The following SORCS1 variants were observed in gnomAD, a reference collection of about 807,000 sequenced individuals.
SORCS1 encodes the protein VPS10 domain-containing receptor SorCS1.
Under a neutral mutation model 146.1 loss-of-function variants are expected in SORCS1, and 60 were observed. The observed-to-expected ratio is 0.41, with a 90% CI of 0.33 to 0.51. The LOEUF (loss-of-function observed/expected upper bound fraction) is 0.51, where lower values mean the gene tolerates loss of function less well. SORCS1 is among the 20% of genes least tolerant of loss of function. The pLI, the probability that SORCS1 is intolerant of heterozygous loss-of-function variation, is 0.21. For missense variants in SORCS1, 1,352 were observed against 1,487.6 expected (o/e 0.91, Z 1.50); for synonymous variants, 637 against 584.0 (o/e 1.09, Z -1.31).
intron 9 of SORCS1, among the ~76,000 whole-genome samples, chr10:106,697,891 C>A (rs559900274): frequency 4.8e-4 from 73 of 152,264 alleles, no homozygotes; most frequent in South Asian, 1.7e-3. Flanking sequence ...GAAACTAAAT[C>A]ATCACAATAT....
intron 3 of SORCS1, among the ~76,000 whole-genome samples, chr10:106,813,428 C>G (rs556792005): frequency 6.6e-6 from 1 of 151,710 alleles, no homozygotes; most frequent in Non-Finnish European, 1.5e-5. Flanking sequence ...CCACCGCGCC[C>G]GGCCTGACAG....
chr10:107,164,517 C>T lies in SORCS1; in HGVS notation c.10G>A (p.Val4Ile). 3 of 1,345,946 alleles carry T rather than the reference C, an allele frequency of 2.2e-6. No individual in the cohort carries two copies. Among genetic ancestry groups the T allele is most frequent in the South Asian group, 1.9e-5 (1 of 51,940 alleles). 83.4% of individuals were successfully genotyped at this position (1,345,946 alleles called of 1,614,324 possible). A position where few individuals can be genotyped will look rare whatever the true frequency, so the allele number is the denominator to read the frequency against. The change falls in exon 1 of 26, where the codon GTT becomes ATT. Residue 4 changes from valine to isoleucine, a missense_variant. This residue lies in a region of SORCS1 where 490 missense variants were observed against 489.1 expected (regional missense o/e 1.00). Coordinates refer to ENST00000263054, the MANE Select transcript of SORCS1 (RefSeq NM_052918.5). The surrounding 1 kb of genome is among the most constrained non-coding windows in gnomAD (Gnocchi z 6.8). ...GCTTGGGAGCCGCCGCCGGCGCCAACTTTTCCCATCGCGGGAGCGAAGAGC... is the reference window on the plus strand; with the variant it reads ...GCTTGGGAGCCGCCGCCGGCGCCAATTTTTCCCATCGCGGGAGCGAAGAGC... MGK[V>I]GAGGGSQARL...
chr10:106,730,595 T>G (rs183316405), intron 5 of SORCS1, among the ~76,000 whole-genome samples: 10 of 152,308 alleles, frequency 6.6e-5, no homozygotes, highest in Admixed American at 6.5e-4. Context: ...CAGCAGCAGT[T>G]ACAGCAGAGT....
intron 2 of SORCS1, among the ~76,000 whole-genome samples, chr10:106,862,493 G>T (rs1564747282): frequency 1.3e-5 from 2 of 151,724 alleles, no homozygotes; most frequent in East Asian, 3.9e-4. Flanking sequence ...TCTCTTCAAT[G>T]TTTTTTTTAA....
At chr10:106,698,536 T>C (rs1229070077) in intron 9 of SORCS1, among the ~76,000 whole-genome samples, 1 of 152,236 alleles carries the variant, frequency 6.6e-6, no homozygotes, top group African/African-American at 2.4e-5. Flanking sequence ...GTGCCTTCAA[T>C]GGCAATTAAA....
At chr10:106,976,906 A>G (rs1425254973) in intron 1 of SORCS1, among the ~76,000 whole-genome samples, 2 of 152,100 alleles carry the variant, frequency 1.3e-5, no homozygotes, top group Non-Finnish European at 2.9e-5. Context: ...TCCATGGTGT[A>G]TATGTACCAC....
chr10:106,945,096 C>T (rs1954263975), intron 2 of SORCS1, among the ~76,000 whole-genome samples: 1 of 151,722 alleles, frequency 6.6e-6, no homozygotes, highest in South Asian at 2.1e-4. Flanking sequence ...CCATGTTGGC[C>T]AGGCTGGTCT....
chr10:106,616,303 G>C (rs1847355338), intron 21 of SORCS1, among the ~76,000 whole-genome samples: 1 of 152,016 alleles, frequency 6.6e-6, no homozygotes, highest in African/African-American at 2.4e-5. Context: ...ACATCCAAGA[G>C]GGAGAGAAAG....
chr10:106,854,227 T>A (rs1336306251), intron 2 of SORCS1, among the ~76,000 whole-genome samples: 1 of 152,094 alleles, frequency 6.6e-6, no homozygotes, highest in Admixed American at 6.5e-5. Flanking sequence ...GATAATTTTC[T>A]TTGCTCTGAA....
intron 6 of SORCS1, among the ~76,000 whole-genome samples, chr10:106,718,660 G>A (rs997758888): frequency 8.5e-5 from 13 of 152,238 alleles, no homozygotes; most frequent in African/African-American, 2.9e-4. Flanking sequence ...GGGGTGGCCA[G>A]CTTTTATTCC....
intron 2 of SORCS1, among the ~76,000 whole-genome samples, chr10:106,856,915 C>A (rs1949808599): frequency 6.6e-6 from 1 of 152,200 alleles, no homozygotes; most frequent in African/African-American, 2.4e-5. Flanking sequence ...CCTGTGACTT[C>A]ACTTGTAGGA....
chr10:106,858,550 A>G (rs994422942), intron 2 of SORCS1, among the ~76,000 whole-genome samples: 8 of 147,804 alleles, frequency 5.4e-5, no homozygotes, highest in Non-Finnish European at 1.0e-4. Context: ...GGAGCTGGCA[A>G]TGAGCCGAGA....
At position 106,960,352 on chromosome 10, in the gene SORCS1, G is replaced by A. The variant is rs951046487; in HGVS notation, c.559-3772C>T. 1.3e-5 allele frequency among the ~76,000 whole-genome samples: 2 copies of A among 151,662 alleles called. No homozygotes were observed. On this transcript the variant is annotated intron_variant, in intron 1 of 25. Transcript: ENST00000263054. This position sits in a 1 kb window ranked among gnomAD's most constrained non-coding sequence, Gnocchi z 4.4. ...GTGACTCCTTCTTGCCACATCTATC[G>A]CTTACACAACTTTTGGGAGGAACTT...
chr10:107,004,155 G>A (rs373381355), intron 1 of SORCS1, among the ~76,000 whole-genome samples: 1 of 121,910 alleles, frequency 8.2e-6, no homozygotes, highest in Non-Finnish European at 1.6e-5. Flanking sequence ...CAGCCTGGGC[G>A]ACAGAGTGTG....
At chr10:107,024,744 A>G (rs1958320658) in intron 1 of SORCS1, among the ~76,000 whole-genome samples, 1 of 152,106 alleles carries the variant, frequency 6.6e-6, no homozygotes, top group South Asian at 2.1e-4. Flanking sequence ...TTATTTTTGG[A>G]TTATTTTAAA....
intron 13 of SORCS1, 32 bp downstream of exon 13, chr10:106,677,281 G>A: frequency 1.9e-6 from 3 of 1,581,498 alleles, no homozygotes; most frequent in East Asian, 2.2e-5. Context: ...GGACCATCAG[G>A]TGCAGATTTC....
intron 1 of SORCS1, among the ~76,000 whole-genome samples, chr10:107,033,761 C>T (rs188480261): frequency 1.8e-3 from 276 of 152,224 alleles, no homozygotes; most frequent in Non-Finnish European, 2.8e-3. Context: ...TGAGGCTTAT[C>T]GAAGTTTTTG....
At chr10:107,074,398 A>AATGGAG (rs1962707310) in intron 1 of SORCS1, among the ~76,000 whole-genome samples, 2 of 152,196 alleles carry the variant, frequency 1.3e-5, no homozygotes, top group African/African-American at 4.8e-5. Context: ...GGGCTGAGTA[A>AATGGAG]TACTCCATTT....
At chr10:106,731,292 C>CA (rs57238882) in intron 5 of SORCS1, among the ~76,000 whole-genome samples, 774 of 23,642 alleles carry the variant, frequency 0.033, 43 homozygotes, top group Non-Finnish European at 0.05. Context: ...GACTCCGTCT[C>CA]AAAAAAAAAA....
Sources: allele counts gnomAD v4.1 joint callset (sites outside exome capture counted in the v4.1 genomes callset), GRCh38; gene constraint gnomAD v4.1.1; regional missense constraint gnomAD v4.1.1; non-coding constraint Gnocchi (gnomAD v3.1); transcripts MANE v1.5; gene names NCBI Gene and HGNC (gene_info 2026-07-23, HGNC 2026-07-21).